BUB3: variants seen among roughly 807,000 people sequenced by gnomAD.
BUB3 encodes BUB3 mitotic checkpoint protein, also known as mitotic checkpoint protein BUB3.
BUB3 carries 22 observed loss-of-function variants against 39.9 expected under a neutral mutation model. That is an observed-to-expected ratio of 0.55 (90% CI 0.39 to 0.79). BUB3 has a LOEUF of 0.79. Ranked by LOEUF, BUB3 falls within the 30% of genes least tolerant of loss-of-function variation. BUB3 has a pLI of 0.00. For missense variants in BUB3, 303 were observed against 415.4 expected (o/e 0.73, Z 2.35); for synonymous variants, 168 against 155.1 (o/e 1.08, Z -0.62).
chr10:123,154,942 C>T lies in BUB3; in HGVS notation c.25C>T (p.Leu9=). 6.2e-7 allele frequency: 1 copy of T among 1,613,952 alleles called. No individual in the cohort carries two copies. The highest frequency in any genetic ancestry group is 1.1e-5 in the South Asian group (1 of 91,072). ...GATGACCGGTTCTAACGAGTTCAAG[C>T]TGAACCAGCCACCCGAGGATGGCAT... The part of the protein sequence containing the change: MTGSNEFK[L]NQPPEDGISS... The change falls in exon 2 of 8, where the codon CTG becomes TTG. Residue 9 remains leucine, a synonymous_variant. Coordinates refer to ENST00000368865, the MANE Select transcript of BUB3 (RefSeq NM_004725.4).
chr10:123,154,867 C>G, intron 1 of BUB3, 51 bp from the exon 2 acceptor site: 1 of 1,557,018 alleles, frequency 6.4e-7, no homozygotes. Context: ...GCTGTCAGTG[C>G]GCAGCCCCAG....
rs1441604449 is a variant in BUB3 at position 123,157,879 on chromosome 10, A to C, written c.416A>C (p.Lys139Thr). 4 of 1,611,878 alleles carry C rather than the reference A, an allele frequency of 2.5e-6. No individual in the cohort carries two copies. The African/African-American group carries it at 5.4e-5, about 22-fold the overall frequency. The change falls in exon 4 of 8, where the codon AAG becomes ACG. Residue 139 changes from lysine to threonine, a missense_variant and splice_region_variant. Coordinates refer to ENST00000368865, the MANE Select transcript of BUB3 (RefSeq NM_004725.4). Reference sequence around the variant, plus strand: ...GCTGGGACCTTCTCTCAGCCTGAAAAGGTAGGCTCTTTATATTCATTGCAG... The same window carrying C: ...GCTGGGACCTTCTCTCAGCCTGAAACGGTAGGCTCTTTATATTCATTGCAG... ...CNAGTFSQPE[K>T]VYTLSVSGDR...
At chr10:123,160,844 C>CG (rs1844412344) in intron 5 of BUB3, among the ~76,000 whole-genome samples, 1 of 152,130 alleles carries the variant, frequency 6.6e-6, no homozygotes, top group Non-Finnish European at 1.5e-5. Context: ...TTTGTTGATC[C>CG]TGGTCCAGGA....
At position 123,154,909 on chromosome 10, in the gene BUB3, G is replaced by C; in HGVS notation, c.1-9G>C. 5 of 1,610,786 alleles carry C rather than the reference G, an allele frequency of 3.1e-6. No homozygotes were observed. The highest frequency in any genetic ancestry group is 4.2e-6 in the Non-Finnish European group (5 of 1,178,306). ...GGACCCCTGGGGACTCTGGGCGCCT[G>C]TTCTGCAGATGACCGGTTCTAACGA... On this transcript the variant is annotated splice_polypyrimidine_tract_variant and intron_variant, in intron 1 of 7. Coordinates refer to ENST00000368865, the MANE Select transcript of BUB3 (RefSeq NM_004725.4).
chr10:123,160,077 GT>G (rs1270468293), intron 4 of BUB3, among the ~76,000 whole-genome samples: 2 of 151,894 alleles, frequency 1.3e-5, no homozygotes, highest in African/African-American at 4.8e-5. Flanking sequence ...ACACTTTTAT[GT>G]TGTCTCTAAA....
chr10:123,162,662 C>T lies in BUB3; in HGVS notation c.805C>T (p.Leu269=), dbSNP rs753933712. The T allele has an allele frequency of 6.9e-6, 11 of 1,599,272 alleles. No individual in the cohort carries two copies. The Admixed American group carries it at 1.8e-4, about 27-fold the overall frequency. ...TTGGGATCCATTTAACAAAAAGCGA[C>T]TGTGCCAATTCCATCGGTACCCCAC... ...NIWDPFNKKR[L]CQFHRYPTSI... is the part of the protein sequence containing the mutation. The change falls in exon 7 of 8, where the codon CTG becomes TTG. Residue 269 remains leucine, a synonymous_variant. Transcript: ENST00000368865.
chr10:123,161,026 T>C (rs1280846681), intron 5 of BUB3, among the ~76,000 whole-genome samples: 3 of 149,762 alleles, frequency 2.0e-5, no homozygotes, highest in Non-Finnish European at 4.4e-5. Flanking sequence ...CAATAGAACT[T>C]TGATAGTTTT....
Position 123,169,167 on chromosome 10 carries a change from C to G in BUB3, c.*5332C>G, listed in dbSNP as rs1030746427. The G allele has an allele frequency of 3.9e-5, 6 of 152,344 alleles. No individual in the cohort carries two copies. The highest frequency in any genetic ancestry group is 1.3e-4 in the Admixed American group (2 of 15,308). The allele number at this position is 152,344 out of a possible 1,614,324, so 9.4% of individuals were successfully genotyped here. A position where few individuals can be genotyped will look rare whatever the true frequency, so the allele number is the denominator to read the frequency against. On this transcript the variant is annotated 3_prime_UTR_variant, in exon 8 of 8. Coordinates refer to ENST00000368865, the MANE Select transcript of BUB3 (RefSeq NM_004725.4). ...TTTCCCCCTATCGGCTGTTCCAGAG[C>G]GAGAGGCTGCAGGTGTCCACTTACG...
In BUB3 at chr10:123,157,670, C is replaced by A. The variant is rs1406341081; in HGVS notation, c.266-59C>A. On this transcript the variant is annotated intron_variant, in intron 3 of 7. Transcript: ENST00000368865. ...TCTTTTAATTGTTTATTTTAGGAAT[C>A]TTTAGTAAAGGTAGTAAGCTAGATG... 14 of 1,475,856 alleles carry A rather than the reference C, an allele frequency of 9.5e-6. No homozygotes were observed. The East Asian group carries it at 3.3e-4, about 35-fold the overall frequency. The allele number at this position is 1,475,856 out of a possible 1,614,324, so 91.4% of individuals were successfully genotyped here.
Position 123,165,218 on chromosome 10 carries a change from C to T in BUB3, c.*1383C>T, listed in dbSNP as rs1844474588. ...TAATACTTTGTTTAGGATGAGGAGT[C>T]TTTGTGTCCCTGTACAGTAGTCTGA... is the stretch of plus-strand genomic sequence containing the variant. On this transcript the variant is annotated 3_prime_UTR_variant, in exon 8 of 8. Transcript: ENST00000368865. 1.3e-5 allele frequency: 10 copies of T among 764,538 alleles called. 1 individual carries two copies. The South Asian group carries it at 1.8e-4, about 14-fold the overall frequency. The allele number at this position is 764,538 out of a possible 1,614,324, so 47.4% of individuals were successfully genotyped here. A position where few individuals can be genotyped will look rare whatever the true frequency, so the allele number is the denominator to read the frequency against.
At chr10:123,163,220 G>A (rs983091421) in intron 7 of BUB3, 2 of 193,862 alleles carry the variant, frequency 1.0e-5, no homozygotes, top group Non-Finnish European at 2.1e-5. Flanking sequence ...CACAGAGGTT[G>A]TTTCTTTAAT....
intron 4 of BUB3, among the ~76,000 whole-genome samples, chr10:123,159,004 G>A (rs1844385863): frequency 6.6e-6 from 1 of 152,134 alleles, no homozygotes; most frequent in Non-Finnish European, 1.5e-5. Context: ...CAGTATGATT[G>A]TACCATTATA....
At chr10:123,160,384 C>T (rs906496796) in intron 4 of BUB3, 23 bp from the exon 5 acceptor site, 15 of 1,483,768 alleles carry the variant, frequency 1.0e-5, no homozygotes, top group Non-Finnish European at 9.9e-6. Flanking sequence ...TGATTTTTAG[C>T]AAGTTTTGAT....
chr10:123,161,605 A>T (rs1220264374), intron 5 of BUB3, among the ~76,000 whole-genome samples: 1 of 152,238 alleles, frequency 6.6e-6, no homozygotes, highest in Non-Finnish European at 1.5e-5. Flanking sequence ...AATCTTTTTC[A>T]TACCTTGAAG....
chr10:123,160,318 T>C, intron 4 of BUB3, 89 bp from the exon 5 acceptor site: 3 of 1,222,410 alleles, frequency 2.5e-6, no homozygotes, highest in Middle Eastern at 3.0e-4. Flanking sequence ...TTTTTTATGG[T>C]CTTATGATCA....
intron 7 of BUB3, among the ~76,000 whole-genome samples, 162 bp from the exon 8 acceptor site, chr10:123,163,658 C>T (rs971791822): frequency 2.0e-5 from 3 of 152,294 alleles, no homozygotes; most frequent in Middle Eastern, 3.4e-3. Context: ...TTAAATATTC[C>T]ATATCAGATA....
chr10:123,163,778 AT>A (rs1311452090), intron 7 of BUB3, 41 bp from the exon 8 acceptor site: 2 of 1,567,166 alleles, frequency 1.3e-6, no homozygotes, highest in Admixed American at 1.7e-5. Flanking sequence ...CTGGCTGGCC[AT>A]TTTGATCTCA....
rs1844521367 is a variant in BUB3, at chr10:123,168,898, T to C, written c.*5063T>C. On this transcript the variant is annotated 3_prime_UTR_variant, in exon 8 of 8. Transcript: ENST00000368865. ...TCATCAGCTATTGTATTAGTGTATTTTATGTGTAGCTCAAGACAATTCTTC... is the reference window on the plus strand; with the variant it reads ...TCATCAGCTATTGTATTAGTGTATTCTATGTGTAGCTCAAGACAATTCTTC... 6.6e-6 allele frequency: 1 copy of C among 152,180 alleles called. No individual in the cohort carries two copies. The highest frequency in any genetic ancestry group is 2.1e-4 in the South Asian group (1 of 4,824). The allele number at this position is 152,180 out of a possible 1,614,324, so 9.4% of individuals were successfully genotyped here.
chr10:123,166,529 C>T lies in BUB3; in HGVS notation c.*2694C>T, dbSNP rs1010237641. ...AATTGATTTTACAACAAATGCCTGT[C>T]ACCTGTAATTTGCAAAAACTGCTTG... On this transcript the variant is annotated 3_prime_UTR_variant, in exon 8 of 8. Transcript: ENST00000368865. The T allele has an allele frequency of 3.3e-5, 5 of 152,156 alleles. No individual in the cohort carries two copies. Among genetic ancestry groups the T allele is most frequent in the Non-Finnish European group, 7.3e-5 (5 of 68,032 alleles). The allele number at this position is 152,156 out of a possible 1,614,324, so 9.4% of individuals were successfully genotyped here.
Sources: allele counts gnomAD v4.1 joint callset (sites outside exome capture counted in the v4.1 genomes callset), GRCh38; gene constraint gnomAD v4.1.1; transcripts MANE v1.5; gene names NCBI Gene and HGNC (gene_info 2026-07-23, HGNC 2026-07-21).